Variants in XKR9 observed in about 807,000 individuals in gnomAD.
The protein encoded by XKR9 is XK related 9, also known as XK-related protein 9.
In XKR9, 32 loss-of-function variants were observed where a neutral mutation model predicts 32.0. The observed-to-expected ratio is 1.00, with a 90% CI of 0.76 to 1.34. The LOEUF (loss-of-function observed/expected upper bound fraction) is 1.34. Ranked by LOEUF, XKR9 falls within the 40% of genes most tolerant of loss-of-function variation. XKR9 has a pLI of 0.00. For missense variants in XKR9, 546 were observed against 429.7 expected, an observed-to-expected ratio of 1.27 and a Z score of -2.39; for synonymous variants, 168 against 143.4, an observed-to-expected ratio of 1.17 and a Z score of -1.22.
intron 4 of XKR9, among the ~76,000 whole-genome samples, chr8:70,711,198 A>G (rs1198052330): frequency 1.3e-5 from 2 of 152,230 alleles, no homozygotes; most frequent in Admixed American, 6.5e-5. Flanking sequence ...TAGTTCAGCC[A>G]TTGTGGAAAG....
At chr8:70,786,899 GC>G (rs1327179171) in intron 2 of XKR9, among the ~76,000 whole-genome samples, 1 of 152,030 alleles carries the variant, frequency 6.6e-6, no homozygotes, top group Non-Finnish European at 1.5e-5. Flanking sequence ...GTAGTAGTAT[GC>G]TTTGAATCTT....
At chr8:71,003,782 A>G in the XKR9 span, among the ~76,000 whole-genome samples, 2 of 152,178 alleles carry the variant, frequency 1.3e-5, no homozygotes, top group Non-Finnish European at 2.9e-5. Flanking sequence ...ATTTCTGAGG[A>G]CTCACAGCCT....
the XKR9 span, among the ~76,000 whole-genome samples, chr8:70,854,996 G>A: frequency 2.0e-4 from 30 of 152,196 alleles, no homozygotes; most frequent in African/African-American, 7.2e-4. Context: ...GATTGACTTG[G>A]CAATGCAGGC....
chr8:70,733,300 C>A (rs1806734133), intron 4 of XKR9, among the ~76,000 whole-genome samples: 1 of 151,470 alleles, frequency 6.6e-6, no homozygotes, highest in Admixed American at 6.6e-5. Context: ...TCTGTTTAAC[C>A]CTCTTTCTCT....
At chr8:70,830,106 A>G in the XKR9 span, among the ~76,000 whole-genome samples, 1 of 152,200 alleles carries the variant, frequency 6.6e-6, no homozygotes, top group Non-Finnish European at 1.5e-5. Flanking sequence ...ATGTATAGAA[A>G]TTTTAAAAGC....
At chr8:70,871,103 T>C in the XKR9 span, among the ~76,000 whole-genome samples, 1 of 152,168 alleles carries the variant, frequency 6.6e-6, no homozygotes, top group Non-Finnish European at 1.5e-5. Context: ...AGTAAAGGAA[T>C]AATGTTTCAT....
At chr8:70,683,657 T>A (rs1819161067) in intron 3 of XKR9, 1 of 385,212 alleles carries the variant, frequency 2.6e-6, no homozygotes, top group Non-Finnish European at 5.2e-6. Context: ...TTGGTTAATT[T>A]TTGTATTTTT....
Position 70,733,976 on chromosome 8 carries a change from T to G in XKR9, c.674T>G (p.Phe225Cys). 1 of 1,612,426 alleles carries G rather than the reference T, an allele frequency of 6.2e-7. No individual in the cohort carries two copies. The highest frequency in any genetic ancestry group is 8.5e-7 in the Non-Finnish European group (1 of 1,179,548). The part of the protein sequence containing the change: ...SWMLSVVLLL[F>C]LNVKIALFLL... ...ATGCTGAGTGTTGTACTTCTACTAT[T>G]CTTAAATGTTAAGATTGCTTTATTT... is the stretch of plus-strand genomic sequence containing the variant. Residue 225 changes from phenylalanine (F) to cysteine (C), a missense_variant, in exon 5 of 5, where the codon TTC becomes TGC. Phe to Cys is a radical substitution (Grantham distance 205, BLOSUM62 -2). Coordinates refer to ENST00000408926, the MANE Select transcript of XKR9 (RefSeq NM_001011720.2).
chr8:71,007,180 G>A, the XKR9 span, among the ~76,000 whole-genome samples: 1 of 152,228 alleles, frequency 6.6e-6, no homozygotes, highest in African/African-American at 2.4e-5. Context: ...TGTAGTAGAA[G>A]AAAGCCACCT....
chr8:70,673,945 G>A (rs1818801627), intron 1 of XKR9, among the ~76,000 whole-genome samples: 1 of 152,142 alleles, frequency 6.6e-6, no homozygotes, highest in African/African-American at 2.4e-5. Context: ...TTGAGGGCAT[G>A]TTAAAAATGA....
the XKR9 span, among the ~76,000 whole-genome samples, chr8:70,813,428 A>G: frequency 7.2e-5 from 11 of 152,362 alleles, no homozygotes; most frequent in Admixed American, 4.6e-4. Context: ...AACAAAAACC[A>G]AAATTGACAA....
At chr8:70,954,139 G>GT in the XKR9 span, among the ~76,000 whole-genome samples, 42 of 149,428 alleles carry the variant, frequency 2.8e-4, no homozygotes, top group African/African-American at 4.4e-4. Context: ...TAAGGTTGGT[G>GT]TTTTTTTTTT....
At chr8:70,769,924 C>T (rs553675488) in intron 2 of XKR9, among the ~76,000 whole-genome samples, 1 of 152,212 alleles carries the variant, frequency 6.6e-6, no homozygotes, top group South Asian at 2.1e-4. Context: ...TACCCACCTT[C>T]TGAAGCCTAC....
At chr8:70,933,506 C>T in the XKR9 span, among the ~76,000 whole-genome samples, 1 of 151,578 alleles carries the variant, frequency 6.6e-6, no homozygotes, top group Admixed American at 6.6e-5. Flanking sequence ...TTCTTAGTCA[C>T]AAAATCTGGA....
chr8:70,792,403 G>T (rs191180579), downstream of XKR9, among the ~76,000 whole-genome samples: 40 of 152,212 alleles, frequency 2.6e-4, no homozygotes, highest in Admixed American at 1.3e-3. Flanking sequence ...ATCTGTAGTA[G>T]TTAAGAGAAG....
chr8:70,798,927 T>C, the XKR9 span, among the ~76,000 whole-genome samples: 4 of 152,358 alleles, frequency 2.6e-5, no homozygotes, highest in East Asian at 5.8e-4. Flanking sequence ...TTTGTACCAG[T>C]ACCATGCTCT....
At chr8:70,936,901 A>T in the XKR9 span, among the ~76,000 whole-genome samples, 19 of 152,018 alleles carry the variant, frequency 1.2e-4, no homozygotes, top group African/African-American at 4.6e-4. Flanking sequence ...TTTTTCTTTT[A>T]AAAAATGTAC....
the XKR9 span, among the ~76,000 whole-genome samples, chr8:70,817,884 C>T: frequency 6.6e-3 from 1,010 of 152,230 alleles, 9 homozygotes; most frequent in African/African-American, 0.023. Context: ...ATTCAATAAA[C>T]GGTGCTGTGA....
At chr8:70,782,028 C>T (rs1239572866) in intron 2 of XKR9, among the ~76,000 whole-genome samples, 2 of 152,158 alleles carry the variant, frequency 1.3e-5, no homozygotes, top group Non-Finnish European at 2.9e-5. Context: ...AAGCTCCAGA[C>T]CTCTGCTCCC....
Sources: allele counts gnomAD v4.1 joint callset (sites outside exome capture counted in the v4.1 genomes callset), GRCh38; gene constraint gnomAD v4.1.1; transcripts MANE v1.5; gene names NCBI Gene and HGNC (gene_info 2026-07-23, HGNC 2026-07-21).